The following ZNF425 variants were observed in gnomAD, a reference collection of about 807,000 sequenced individuals.
ZNF425 encodes zinc finger protein 425.
A neutral mutation model predicts 17.0 loss-of-function variants in ZNF425; 21 were observed. The ratio of observed to expected loss-of-function variants is 1.23; its 90% CI spans 0.88 to 1.78. The LOEUF is 1.78. ZNF425 is among the 40% of genes most tolerant of loss of function. The probability of loss-of-function intolerance (pLI) is 0.00; values close to 1 mark genes in which losing one functional copy is unlikely to be tolerated. For synonymous variants in ZNF425, 433 were observed against 384.1 expected (o/e 1.13, Z -1.49); for missense variants, 868 against 967.3 (o/e 0.90, Z 1.36).
At chr7:149,109,108 T>C (rs1826131320) in intron 3 of ZNF425, among the ~76,000 whole-genome samples, 1 of 149,540 alleles carries the variant, frequency 6.7e-6, no homozygotes, top group Non-Finnish European at 1.5e-5. Flanking sequence ...AAACGGAGTC[T>C]CGCTCTGTTG....
chr7:149,116,336 G>A (rs951831619), intron 2 of ZNF425, among the ~76,000 whole-genome samples: 4 of 152,114 alleles, frequency 2.6e-5, no homozygotes, highest in African/African-American at 4.8e-5. Flanking sequence ...ACAAATGTGC[G>A]ACCTCCCTAA....
intron 1 of ZNF425, among the ~76,000 whole-genome samples, chr7:149,119,214 T>A (rs1826314093): frequency 6.6e-6 from 1 of 150,766 alleles, no homozygotes; most frequent in Non-Finnish European, 1.5e-5. Context: ...CAGGTTCAAG[T>A]GATTCTCCTG....
At chr7:149,112,758 C>T (rs1042839661) in intron 2 of ZNF425, among the ~76,000 whole-genome samples, 2 of 152,036 alleles carry the variant, frequency 1.3e-5, no homozygotes, top group African/African-American at 2.4e-5. Flanking sequence ...CTCTGCCTCC[C>T]GGGGATCAAC....
intron 2 of ZNF425, among the ~76,000 whole-genome samples, chr7:149,115,772 T>C (rs969230928): frequency 6.6e-6 from 1 of 151,580 alleles, no homozygotes; most frequent in Admixed American, 6.6e-5. Context: ...CCTCTGAGCC[T>C]TTGGTGGTGT....
chr7:149,105,377 G>C lies in ZNF425; in HGVS notation c.494C>G (p.Pro165Arg). 1.2e-6 allele frequency: 2 copies of C among 1,609,784 alleles called. No individual in the cohort carries two copies. The highest frequency in any genetic ancestry group is 1.7e-6 in the Non-Finnish European group (2 of 1,178,630). Residue 165 changes from proline to arginine, a missense_variant, in exon 4 of 4, where the codon CCA (proline) becomes CGA (arginine). Coordinates refer to ENST00000378061, the MANE Select transcript of ZNF425 (RefSeq NM_001001661.3). ...CTTATGCCGCAGGTCTTTCTTGTCT[G>C]GATCATATGCTGTGATGCTGACTTT... ...NKKVSITAYD[P>R]DKKDLRHKPR...
chr7:149,111,069 A>AC (rs959171609), intron 3 of ZNF425, among the ~76,000 whole-genome samples: 2 of 152,026 alleles, frequency 1.3e-5, no homozygotes, highest in African/African-American at 4.8e-5. Flanking sequence ...TGCTAGGATT[A>AC]CAGGCATGAG....
In ZNF425 at chr7:149,121,795, A is replaced by T. The variant is rs1826358607; in HGVS notation, c.19-3447T>A. On this transcript the variant is annotated intron_variant, in intron 1 of 3. Transcript: ENST00000378061. ...TAACTGTTCTGATAGGTGTATAGTG[A>T]TCTCTAACTGTGGCTTTAATTTGGT... Among the ~76,000 whole-genome samples, 3 of 152,186 alleles carry T rather than the reference A, an allele frequency of 2.0e-5. 1 individual carries two copies. The South Asian group carries it at 6.2e-4, about 31-fold the overall frequency.
chr7:149,112,090 G>C (rs555812907), intron 3 of ZNF425, 47 bp downstream of exon 3: 3 of 1,572,624 alleles, frequency 1.9e-6, no homozygotes, highest in South Asian at 1.1e-5. Flanking sequence ...CAGGAAACAA[G>C]GCTAGGAAAA....
In ZNF425 at chr7:149,104,922, G is replaced by A; in HGVS notation, c.949C>T (p.Leu317Phe). 1 of 1,613,770 alleles carries A rather than the reference G, an allele frequency of 6.2e-7. No homozygotes were observed. The highest frequency in any genetic ancestry group is 1.7e-4 in the Middle Eastern group (1 of 6,052). ...CGRAFVQQCELTEHLRLHSGE... is the reference protein window; with the variant it reads ...CGRAFVQQCEFTEHLRLHSGE... ...CTGTGCAGCCGCAAGTGCTCCGTGA[G>A]CTCGCACTGCTGCACGAAGGCCCGG... The change falls in exon 4 of 4, where the codon CTC becomes TTC. Residue 317 changes from leucine to phenylalanine, a missense_variant. Physicochemically the swap from Leu to Phe is conservative, Grantham distance 22. This residue lies in a region of ZNF425 where 243 missense variants were observed against 265.2 expected (regional missense o/e 0.92). Transcript: ENST00000378061. The surrounding 1 kb of genome is among the most constrained non-coding windows in gnomAD (Gnocchi z 4.3).
chr7:149,114,559 G>A (rs1390520073), intron 2 of ZNF425, among the ~76,000 whole-genome samples: 8 of 151,224 alleles, frequency 5.3e-5, no homozygotes, highest in African/African-American at 1.9e-4. Flanking sequence ...CACCATGCCC[G>A]GCTAATTTTT....
chr7:149,105,472 T>C lies in ZNF425; in HGVS notation c.399A>G (p.Arg133=). ...DLCAALRGKE[R]KILLAQTATF... The stretch of plus-strand genomic sequence containing the variant: ...TGGCTGTTTGAGCTAATAAAATCTT[T>C]CTCTCTTTCCCTCGTAAGGCAGCAC... The change falls in exon 4 of 4, where the codon AGA becomes AGG. Residue 133 remains arginine (R), a synonymous_variant. Coordinates refer to ENST00000378061, the MANE Select transcript of ZNF425 (RefSeq NM_001001661.3). 2 of 1,525,462 alleles carry C rather than the reference T, an allele frequency of 1.3e-6. No homozygotes were observed. The highest frequency in any genetic ancestry group is 1.8e-6 in the Non-Finnish European group (2 of 1,141,538). The allele number at this position is 1,525,462 out of a possible 1,614,324, so 94.5% of individuals were successfully genotyped here.
Position 149,104,274 on chromosome 7 carries a change from G to A in ZNF425, c.1597C>T (p.Arg533Cys), listed in dbSNP as rs763281343. ...EKPFSCAECG[R>C]SFRRRAHLTE... ...AGATGCGCGCGTCGGCGGAAACTGC[G>A]GCCGCACTCGGCGCAGGAGAACGGC... The change falls in exon 4 of 4, where the codon CGC becomes TGC. Residue 533 changes from arginine (R) to cysteine (C), a missense_variant. Physicochemically the swap from Arg to Cys is radical, Grantham distance 180. This residue lies in a region of ZNF425 where 437 missense variants were observed against 444.2 expected (regional missense o/e 0.98). Coordinates refer to ENST00000378061, the MANE Select transcript of ZNF425 (RefSeq NM_001001661.3). The surrounding 1 kb of genome is among the most constrained non-coding windows in gnomAD (Gnocchi z 4.3). The A allele has an allele frequency of 3.1e-6, 5 of 1,613,472 alleles. No homozygotes were observed. In the Admixed American group the frequency reaches 8.3e-5, roughly 27 times the overall value.
rs780728732 is a variant in ZNF425 at position 149,105,114 on chromosome 7, T to TC, written c.756dup (p.Lys253GlufsTer26). On this transcript the variant is annotated frameshift_variant, in exon 4 of 4. Coordinates refer to ENST00000378061, the MANE Select transcript of ZNF425 (RefSeq NM_001001661.3). LOFTEE classifies it low-confidence loss of function (END_TRUNC). The stretch of plus-strand genomic sequence containing the variant: ...AGGCTGCCCTTCAGGAAGTAGCTCT[T>TC]CTCACACTCACTGCACTGGAACCGC... 4.3e-6 allele frequency: 7 copies of TC among 1,614,110 alleles called. No individual in the cohort carries two copies. In the South Asian group the frequency reaches 6.6e-5, roughly 15 times the overall value.
chr7:149,122,679 G>A (rs1826379035), intron 1 of ZNF425, among the ~76,000 whole-genome samples: 1 of 151,936 alleles, frequency 6.6e-6, no homozygotes, highest in Non-Finnish European at 1.5e-5. Flanking sequence ...TTTACATTGA[G>A]ACGTGGGTTT....
chr7:149,122,719 G>A (rs112318034), intron 1 of ZNF425, among the ~76,000 whole-genome samples: 5,518 of 151,862 alleles, frequency 0.036, 323 homozygotes, highest in African/African-American at 0.13. Flanking sequence ...TTTTGTACAC[G>A]GAGTCTCGTT....
At position 149,104,627 on chromosome 7, in the gene ZNF425, G is replaced by A. The variant is rs1424026566; in HGVS notation, c.1244C>T (p.Ser415Leu). ...IRVHTGEKPF[S>L]CPECNKSFRL... ...GAAACTTTTGTTACACTCGGGACAC[G>A]AAAAGGGCTTCTCTCCCGTGTGAAC... Residue 415 changes from serine (S) to leucine (L), a missense_variant, in exon 4 of 4, where the codon TCG (serine) becomes TTG (leucine). Physicochemically the swap from Ser to Leu is moderately radical, Grantham distance 145. This residue lies in a region of ZNF425 where 5 missense variants were observed against 21.4 expected (regional missense o/e 0.23). Transcript: ENST00000378061. The surrounding 1 kb of genome is among the most constrained non-coding windows in gnomAD (Gnocchi z 4.3). 1.2e-6 allele frequency: 2 copies of A among 1,613,992 alleles called. No homozygotes were observed. Among genetic ancestry groups the A allele is most frequent in the African/African-American group, 2.7e-5 (2 of 74,926 alleles).
intron 2 of ZNF425, among the ~76,000 whole-genome samples, chr7:149,115,882 C>T (rs1208820350): frequency 3.9e-5 from 6 of 152,198 alleles, no homozygotes; most frequent in African/African-American, 1.2e-4. Flanking sequence ...ATGTAGATCC[C>T]TGGGCCTGAG....
intron 1 of ZNF425, 41 bp downstream of exon 1, chr7:149,126,155 G>A (rs755882955): frequency 1.2e-6 from 2 of 1,612,872 alleles, no homozygotes; most frequent in Non-Finnish European, 8.5e-7. Context: ...ACAGGGACCC[G>A]AGTTTCGACA....
chr7:149,122,735 G>A (rs766696355), intron 1 of ZNF425, among the ~76,000 whole-genome samples: 5 of 151,758 alleles, frequency 3.3e-5, no homozygotes, highest in East Asian at 1.9e-4. Context: ...TCGTTCCGTC[G>A]CCCAGGTTGG....
Sources: allele counts gnomAD v4.1 joint callset (sites outside exome capture counted in the v4.1 genomes callset), GRCh38; gene constraint gnomAD v4.1.1; regional missense constraint gnomAD v4.1.1; non-coding constraint Gnocchi (gnomAD v3.1); transcripts MANE v1.5; gene names NCBI Gene and HGNC (gene_info 2026-07-23, HGNC 2026-07-21).